Variants in UBXN7 observed in about 807,000 individuals in gnomAD.
The protein encoded by UBXN7 is UBX domain-containing protein 7.
Under a neutral mutation model 58.0 loss-of-function variants are expected in UBXN7, and 9 were observed. That is an observed-to-expected ratio of 0.16 (90% CI 0.09 to 0.27). UBXN7 has a LOEUF of 0.27. UBXN7 is among the 10% of genes least tolerant of loss of function. The probability of loss-of-function intolerance (pLI) is 1.00; values close to 1 mark genes in which losing one functional copy is unlikely to be tolerated. For missense variants in UBXN7, 328 were observed against 599.6 expected (o/e 0.55, Z 4.73); for synonymous variants, 208 against 205.0 (o/e 1.01, Z -0.12).
At chr3:196,357,188 G>T (rs763666042) in intron 10 of UBXN7, among the ~76,000 whole-genome samples, 1 of 152,068 alleles carries the variant, frequency 6.6e-6, no homozygotes, top group Non-Finnish European at 1.5e-5. Flanking sequence ...TTTTATCAAG[G>T]AAGATATGTC....
intron 5 of UBXN7, among the ~76,000 whole-genome samples, chr3:196,374,984 AAGGG>A (rs71161922): frequency 6.2e-5 from 2 of 32,450 alleles, no homozygotes; most frequent in Non-Finnish European, 1.2e-4. Flanking sequence ...GGAAGGAAGG[AAGGG>A]AGGGAGGGAG....
At chr3:196,428,100 G>C (rs571988704) in intron 1 of UBXN7, among the ~76,000 whole-genome samples, 1 of 152,066 alleles carries the variant, frequency 6.6e-6, no homozygotes, top group Non-Finnish European at 1.5e-5. Flanking sequence ...CTCCAGCCTG[G>C]GTGACGGAGT....
rs553106406 is a variant in UBXN7 at position 196,351,838 on chromosome 3, A to G, written c.*4847T>C. On this transcript the variant is annotated 3_prime_UTR_variant, in exon 11 of 11. Transcript: ENST00000296328. The stretch of plus-strand genomic sequence containing the variant: ...GGTAGAGAAATTAAATCTTTCCTTC[A>G]TTTTTCGGTTGCTAGTGGCTCCCTC... 2.0e-5 allele frequency: 3 copies of G among 152,110 alleles called. No individual in the cohort carries two copies. In the South Asian group the frequency reaches 6.2e-4, roughly 32 times the overall value. The allele number at this position is 152,110 out of a possible 1,614,324, so 9.4% of individuals were successfully genotyped here.
At chr3:196,361,954 A>C (rs757775114) in intron 9 of UBXN7, 31 bp from the exon 10 acceptor site, 1 of 1,471,180 alleles carries the variant, frequency 6.8e-7, no homozygotes, top group Non-Finnish European at 9.4e-7. Context: ...AAAAAAAAAA[A>C]CGGGATACAG....
At chr3:196,362,247 GC>G (rs1427091468) in intron 9 of UBXN7, 46 bp downstream of exon 9, 2 of 1,540,434 alleles carry the variant, frequency 1.3e-6, no homozygotes, top group Middle Eastern at 1.8e-4. Flanking sequence ...ACCACGCCCG[GC>G]CCCAATATCT....
intron 5 of UBXN7, among the ~76,000 whole-genome samples, chr3:196,391,275 A>T (rs961125536): frequency 3.3e-5 from 5 of 152,226 alleles, no homozygotes; most frequent in African/African-American, 1.2e-4. Context: ...GGCTAATAAA[A>T]GGATTTCATC....
intron 5 of UBXN7, among the ~76,000 whole-genome samples, chr3:196,379,442 T>C (rs1729132367): frequency 6.6e-6 from 1 of 152,182 alleles, no homozygotes; most frequent in Non-Finnish European, 1.5e-5. Context: ...ACCGAGCCCC[T>C]ATTCAAAATG....
intron 3 of UBXN7, among the ~76,000 whole-genome samples, chr3:196,402,635 G>A (rs1171030285): frequency 1.3e-5 from 2 of 152,172 alleles, no homozygotes; most frequent in Non-Finnish European, 2.9e-5. Context: ...TATCTAGAGA[G>A]TAAGGATATG....
chr3:196,400,119 T>C (rs1274536379), intron 3 of UBXN7: 1 of 151,302 alleles, frequency 6.6e-6, no homozygotes, highest in Non-Finnish European at 1.5e-5. Context: ...GAAACAGAGG[T>C]CAAAACTCCT....
intron 2 of UBXN7, among the ~76,000 whole-genome samples, chr3:196,405,845 A>G (rs546492658): frequency 3.3e-5 from 5 of 152,190 alleles, no homozygotes; most frequent in African/African-American, 1.2e-4. Context: ...TAGCAATACA[A>G]ACTATCTAAG....
chr3:196,417,361 T>C (rs975732438), intron 1 of UBXN7, among the ~76,000 whole-genome samples: 1 of 152,068 alleles, frequency 6.6e-6, no homozygotes, highest in Non-Finnish European at 1.5e-5. Flanking sequence ...TAAAAACCTT[T>C]GCCTCCGCCC....
At chr3:196,421,224 T>C (rs74418719) in intron 1 of UBXN7, among the ~76,000 whole-genome samples, 1,610 of 152,212 alleles carry the variant, frequency 0.011, 10 homozygotes, top group African/African-American at 0.017. Flanking sequence ...AAGGAACCAA[T>C]GGTGCAGGAA....
chr3:196,392,520 T>G (rs1729619779), intron 4 of UBXN7, among the ~76,000 whole-genome samples: 1 of 143,222 alleles, frequency 7.0e-6, no homozygotes, highest in African/African-American at 2.6e-5. Flanking sequence ...AAAAAAAAAT[T>G]AGCCAGGTGT....
intron 8 of UBXN7, among the ~76,000 whole-genome samples, chr3:196,365,385 CA>C (rs1231583770): frequency 6.6e-6 from 1 of 152,006 alleles, no homozygotes; most frequent in Non-Finnish European, 1.5e-5. Context: ...ATCCCAAGAG[CA>C]GTTTTTTGTT....
intron 1 of UBXN7, among the ~76,000 whole-genome samples, chr3:196,427,498 C>T (rs1416117930): frequency 6.6e-6 from 1 of 152,154 alleles, no homozygotes; most frequent in Non-Finnish European, 1.5e-5. Context: ...TTGTATTTTT[C>T]GGAGAGACAG....
At chr3:196,408,588 T>A (rs1012616284) in intron 1 of UBXN7, among the ~76,000 whole-genome samples, 1 of 152,166 alleles carries the variant, frequency 6.6e-6, no homozygotes, top group African/African-American at 2.4e-5. Flanking sequence ...CTGAATTATG[T>A]CCCTTAGAAT....
rs563920582 is a variant in UBXN7, at chr3:196,371,034, A to G, written c.615+862T>C. ...GCAAAACCCTGTCTCACAGTGGGGGAAAAATGATACAAGGTCTGTAACCTT... is the reference window on the plus strand; with the variant it reads ...GCAAAACCCTGTCTCACAGTGGGGGGAAAATGATACAAGGTCTGTAACCTT... On this transcript the variant is annotated intron_variant, in intron 6 of 10. Transcript: ENST00000296328. Among the ~76,000 whole-genome samples, 5 of 152,194 alleles carry G rather than the reference A, an allele frequency of 3.3e-5. No homozygotes were observed. In the East Asian group the frequency reaches 9.7e-4, roughly 29 times the overall value.
At chr3:196,394,712 T>C (rs1458085547) in intron 3 of UBXN7, among the ~76,000 whole-genome samples, 1 of 152,210 alleles carries the variant, frequency 6.6e-6, no homozygotes. Flanking sequence ...ATGCTGCAGA[T>C]ATCCAATTCA....
intron 1 of UBXN7, among the ~76,000 whole-genome samples, chr3:196,426,873 G>A (rs1730868028): frequency 6.6e-6 from 1 of 151,718 alleles, no homozygotes; most frequent in African/African-American, 2.4e-5. Context: ...AACATGAATG[G>A]AAATTGGCCA....
Sources: allele counts gnomAD v4.1 joint callset (sites outside exome capture counted in the v4.1 genomes callset), GRCh38; gene constraint gnomAD v4.1.1; transcripts MANE v1.5; gene names NCBI Gene and HGNC (gene_info 2026-07-23, HGNC 2026-07-21).